The following PRKCH variants were observed in gnomAD, a reference collection of about 807,000 sequenced individuals.
PRKCH encodes protein kinase C eta type.
A neutral mutation model predicts 82.5 loss-of-function variants in PRKCH; 28 were observed. The observed-to-expected ratio is 0.34, with a 90% confidence interval of 0.25 to 0.47. The LOEUF (loss-of-function observed/expected upper bound fraction) is 0.47. PRKCH is among the 20% of genes least tolerant of loss of function. The probability of loss-of-function intolerance (pLI) is 1.00; values close to 1 mark genes in which losing one functional copy is unlikely to be tolerated. For synonymous variants in PRKCH, 322 were observed against 327.4 expected (o/e 0.98, Z 0.18); for missense variants, 705 against 881.8 (o/e 0.80, Z 2.54).
chr14:61,457,478 C>A, intron 8 of PRKCH, 28 bp from the exon 9 acceptor site: 1 of 1,610,432 alleles, frequency 6.2e-7, no homozygotes, highest in Non-Finnish European at 8.5e-7. Context: ...AGGACTCCCT[C>A]ATGCTCCCTC....
intron 9 of PRKCH, among the ~76,000 whole-genome samples, chr14:61,461,204 A>G (rs1401478621): frequency 6.6e-6 from 1 of 151,884 alleles, no homozygotes; most frequent in Non-Finnish European, 1.5e-5. Flanking sequence ...GTTCCCCTGG[A>G]GCTCCAGTTC....
At chr14:61,240,372 A>G (rs1352618179) in intron 1 of PRKCH, among the ~76,000 whole-genome samples, 2 of 152,104 alleles carry the variant, frequency 1.3e-5, no homozygotes, top group Non-Finnish European at 2.9e-5. Flanking sequence ...CAGCTGTGTC[A>G]TTCATGTAGC....
At chr14:61,348,375 C>T (rs1194626246) in intron 1 of PRKCH, among the ~76,000 whole-genome samples, 1 of 152,076 alleles carries the variant, frequency 6.6e-6, no homozygotes, top group Non-Finnish European at 1.5e-5. Flanking sequence ...GCCATTTGAA[C>T]CGTGTGTGGT....
chr14:61,388,359 G>A (rs536241060), intron 1 of PRKCH, among the ~76,000 whole-genome samples: 8 of 152,258 alleles, frequency 5.3e-5, no homozygotes, highest in South Asian at 2.1e-4. Flanking sequence ...TCAAAAATGC[G>A]GAAGGAAACC....
intron 1 of PRKCH, among the ~76,000 whole-genome samples, chr14:61,236,641 A>T (rs906302110): frequency 1.1e-4 from 15 of 133,612 alleles, no homozygotes; most frequent in African/African-American, 3.6e-4. Context: ...TGGGAGGGGG[A>T]GGTTGCAGCG....
intron 1 of PRKCH, among the ~76,000 whole-genome samples, chr14:61,338,601 T>C (rs1356877592): frequency 6.6e-6 from 1 of 152,152 alleles, no homozygotes; most frequent in Non-Finnish European, 1.5e-5. Flanking sequence ...ATGTCAGGAA[T>C]GTATTAATGA....
chr14:61,259,529 G>C (rs938569658), intron 1 of PRKCH, among the ~76,000 whole-genome samples: 2 of 152,226 alleles, frequency 1.3e-5, no homozygotes, highest in Non-Finnish European at 2.9e-5. Flanking sequence ...CAGGGGCTCA[G>C]CTCCCATCAA....
intron 10 of PRKCH, among the ~76,000 whole-genome samples, chr14:61,491,729 G>C (rs1886456785): frequency 1.3e-5 from 2 of 152,206 alleles, no homozygotes. Context: ...CCACTGTTCT[G>C]CACCCTTGCA....
At chr14:61,299,840 T>C (rs2045436104) in intron 1 of PRKCH, 1 of 152,192 alleles carries the variant, frequency 6.6e-6, no homozygotes, top group Admixed American at 6.5e-5. Context: ...AATTAGAACA[T>C]AGCTACAGAA....
intron 1 of PRKCH, among the ~76,000 whole-genome samples, chr14:61,352,749 T>C (rs1331927562): frequency 1.5e-5 from 2 of 132,208 alleles, no homozygotes; most frequent in South Asian, 5.0e-4. Context: ...AAAGATGTCC[T>C]AGATATATTG....
chr14:61,387,794 C>T (rs1361916619), intron 1 of PRKCH, among the ~76,000 whole-genome samples: 1 of 152,200 alleles, frequency 6.6e-6, no homozygotes, highest in Admixed American at 6.5e-5. Flanking sequence ...TGAAACAGTG[C>T]TTTTCCTTAC....
chr14:61,539,062 C>T (rs796722155), intron 12 of PRKCH, among the ~76,000 whole-genome samples: 14 of 152,226 alleles, frequency 9.2e-5, no homozygotes, highest in African/African-American at 2.2e-4. Flanking sequence ...CATTGAAATC[C>T]GCCCCATCAG....
chr14:61,441,351 G>C (rs1405029809), intron 2 of PRKCH, among the ~76,000 whole-genome samples: 1 of 152,206 alleles, frequency 6.6e-6, no homozygotes, highest in Non-Finnish European at 1.5e-5. Flanking sequence ...GAAAAAGAGA[G>C]CCGGTGTGGT....
chr14:61,433,043 CA>C (rs34477992), intron 2 of PRKCH, among the ~76,000 whole-genome samples: 89,401 of 110,948 alleles, frequency 0.81, 36,485 homozygotes, highest in Middle Eastern at 0.9. Flanking sequence ...CCAACCTCTT[CA>C]AAAAAAAAAA....
intron 1 of PRKCH, among the ~76,000 whole-genome samples, chr14:61,364,288 G>T (rs914204056): frequency 2.0e-5 from 3 of 151,812 alleles, no homozygotes; most frequent in African/African-American, 4.9e-5. Context: ...AATGGAGACT[G>T]TTTGGAATAT....
chr14:61,281,124 C>G, intron 1 of PRKCH: 1 of 1,413,980 alleles, frequency 7.1e-7, no homozygotes, highest in Non-Finnish European at 9.2e-7. Context: ...GGTGGGCGCC[C>G]CGGGCCGTGG....
intron 2 of PRKCH, among the ~76,000 whole-genome samples, chr14:61,395,304 T>G (rs2046761516): frequency 6.5e-5 from 4 of 61,078 alleles, no homozygotes; most frequent in Admixed American, 1.8e-4. Context: ...CCCCCCGCAT[T>G]TGCCTGCCAC....
rs188754713 is a variant in PRKCH at position 61,293,705 on chromosome 14, G to A, written c.-19+106037G>A. Among the ~76,000 whole-genome samples, 344 of 152,200 alleles carry A rather than the reference G, an allele frequency of 2.3e-3. 2 individuals carry two copies. Among genetic ancestry groups the A allele is most frequent in the African/African-American group, 7.9e-3 (328 of 41,532 alleles). On this transcript the variant is annotated intron_variant, in intron 1 of 3. Coordinates refer to the PRKCH transcript ENST00000555185. ...TTTTTATTGTGCTAAATAATAGAAG[G>A]TTACTGCCAGCACCATCTCTGATCA...
intron 9 of PRKCH, among the ~76,000 whole-genome samples, chr14:61,473,850 G>A (rs1288863985): frequency 4.6e-5 from 7 of 152,094 alleles, no homozygotes; most frequent in East Asian, 1.9e-4. Flanking sequence ...AAAATTAGCC[G>A]GGCATGGTGG....
Sources: gnomAD v4.1 joint callset for allele counts (sites outside exome capture counted in the v4.1 genomes callset) on GRCh38, gnomAD v4.1.1 for gene constraint, MANE v1.5 for transcripts, NCBI Gene and HGNC (gene_info 2026-07-23, HGNC 2026-07-21) for gene names.